The following RTL9 variants were observed in gnomAD, a reference collection of about 807,000 sequenced individuals.
RTL9 encodes retrotransposon Gag-like protein 9.
In RTL9, 19 loss-of-function variants were observed where a neutral mutation model predicts 44.7. That is an observed-to-expected ratio of 0.42 (90% confidence interval 0.30 to 0.62). The LOEUF (loss-of-function observed/expected upper bound fraction) is 0.62. Among genes scored for constraint, RTL9 ranks in the 20% least tolerant of loss-of-function variants. The pLI, the probability that RTL9 is intolerant of heterozygous loss-of-function variation, is 0.16. For missense variants in RTL9, 1,105 were observed against 1,080.6 expected (o/e 1.02, Z -0.32); for synonymous variants, 407 against 398.9 (o/e 1.02, Z -0.24).
chrX:110,441,132 A>T (rs2068877017), intron 1 of RTL9, among the ~76,000 whole-genome samples: 1 of 112,200 alleles, frequency 8.9e-6, no homozygotes, highest in African/African-American at 3.2e-5. Flanking sequence ...CTTTTGCTGT[A>T]TGAATTTGGG....
exon 1 of RTL9, chrX:110,451,477 G>T: frequency 1.7e-6 from 2 of 1,211,712 alleles, no homozygotes; most frequent in South Asian, 3.5e-5. Flanking sequence ...CAGCCAACAA[G>T]CACCCAAAAC....
chrX:110,454,671 A>AG lies in RTL9; in HGVS notation c.4047+12dup, dbSNP rs762228017. The stretch of plus-strand genomic sequence containing the variant: ...TCAGCAGCAGACTGAGGAGGTAATG[A>AG]GGGGGAAATCCGCTGAAGGTTTTTG... On this transcript the variant is annotated splice_region_variant and intron_variant, in intron 1 of 1. Transcript: ENST00000540313. 3 of 1,168,491 alleles carry AG rather than the reference A, an allele frequency of 2.6e-6. No individual in the cohort carries two copies. The African/African-American group carries it at 5.4e-5, about 21-fold the overall frequency.
At chrX:110,454,548 C>T (rs1603026536) in exon 1 of RTL9, 2 of 1,211,892 alleles carry the variant, frequency 1.7e-6, no homozygotes, top group East Asian at 5.9e-5. Context: ...CGAGTGCCAG[C>T]TGGCTGAAGA....
In RTL9 at chrX:110,438,263, G is replaced by A. The variant is rs1323406225; in HGVS notation, c.-167-6890G>A. ...GCATTTTAACTGATGCCAAAGCCCT[G>A]AGTCAAAAGAATTATATACTTAAAA... On this transcript the variant is annotated intron_variant, in intron 1 of 3. Coordinates refer to the RTL9 transcript ENST00000465301. Among the ~76,000 whole-genome samples, 3 of 111,585 alleles carry A rather than the reference G, an allele frequency of 2.7e-5. No homozygotes were observed. The East Asian group carries it at 8.4e-4, about 31-fold the overall frequency.
chrX:110,411,366 T>C lies in RTL9; in HGVS notation c.-167-33787T>C, dbSNP rs146442627. 3.6e-3 allele frequency among the ~76,000 whole-genome samples: 399 copies of C among 112,011 alleles called. 1 individual carries two copies. The highest frequency in any genetic ancestry group is 7.2e-3 in the South Asian group (19 of 2,642). On this transcript the variant is annotated intron_variant, in intron 1 of 2. Coordinates refer to the RTL9 transcript ENST00000520821. Reference sequence around the variant, plus strand: ...GCCTCACCATTTCTGGGGAAAAGGATGCACCATTTAATACATGGTGCCATT... The same window carrying C: ...GCCTCACCATTTCTGGGGAAAAGGACGCACCATTTAATACATGGTGCCATT...
chrX:110,412,884 A>T (rs1036562765), intron 1 of RTL9, among the ~76,000 whole-genome samples: 6 of 112,437 alleles, frequency 5.3e-5, no homozygotes, highest in African/African-American at 1.9e-4. Context: ...GGGGAGTAGA[A>T]TAGGAGAGGT....
At chrX:110,372,771 A>G (rs1276380349) in intron 1 of RTL9, among the ~76,000 whole-genome samples, 1 of 111,818 alleles carries the variant, frequency 8.9e-6, no homozygotes, top group African/African-American at 3.2e-5. Context: ...CAGATTCCAG[A>G]GACAAGAGAA....
chrX:110,388,184 A>G (rs957935196), intron 1 of RTL9, among the ~76,000 whole-genome samples: 1 of 111,521 alleles, frequency 9.0e-6, no homozygotes, highest in African/African-American at 3.3e-5. Flanking sequence ...TCTCTCTTAA[A>G]TGACATTGTA....
At chrX:110,450,661 G>A (rs1355489502) in exon 1 of RTL9, 2 of 1,208,925 alleles carry the variant, frequency 1.7e-6, no homozygotes, top group Non-Finnish European at 2.2e-6. Context: ...AATACAATGA[G>A]GGAGGAAAAT....
upstream of RTL9, among the ~76,000 whole-genome samples, chrX:110,446,530 G>GT (rs2068909237): frequency 1.8e-5 from 2 of 110,880 alleles, no homozygotes; most frequent in South Asian, 7.7e-4. Context: ...ACTTTTATTA[G>GT]TTTTTTTCTT....
At chrX:110,366,235 T>TG (rs1410299251) in intron 1 of RTL9, among the ~76,000 whole-genome samples, 1 of 111,990 alleles carries the variant, frequency 8.9e-6, no homozygotes, top group East Asian at 2.8e-4. Flanking sequence ...GGATTGATGT[T>TG]GATAGTATTA....
intron 1 of RTL9, among the ~76,000 whole-genome samples, chrX:110,412,879 G>A (rs1431906365): frequency 8.9e-6 from 1 of 112,314 alleles, no homozygotes; most frequent in Non-Finnish European, 1.9e-5. Context: ...ACACTGGGGA[G>A]TAGAATAGGA....
intron 1 of RTL9, among the ~76,000 whole-genome samples, chrX:110,375,004 A>G (rs1240456526): frequency 9.0e-6 from 1 of 111,593 alleles, no homozygotes; most frequent in Non-Finnish European, 1.9e-5. Context: ...AGGAAAGAGC[A>G]AGAAGGCTGG....
At chrX:110,371,515 C>T (rs1223427971) in intron 1 of RTL9, among the ~76,000 whole-genome samples, 6 of 111,173 alleles carry the variant, frequency 5.4e-5, no homozygotes, top group African/African-American at 2.0e-4. Flanking sequence ...ACCCATTGAC[C>T]ATCCCCAACT....
At chrX:110,453,528 G>C (rs1208638882) in exon 1 of RTL9, 1 of 1,212,098 alleles carries the variant, frequency 8.3e-7, no homozygotes, top group African/African-American at 1.7e-5. Flanking sequence ...GTCAGCCATG[G>C]CTTCTGGAGA....
chrX:110,384,849 A>C (rs555511019), intron 1 of RTL9, among the ~76,000 whole-genome samples: 2 of 110,689 alleles, frequency 1.8e-5, no homozygotes, highest in East Asian at 5.6e-4. Context: ...AAGAGGTGCA[A>C]AACTCCTGGG....
upstream of RTL9, among the ~76,000 whole-genome samples, chrX:110,415,355 G>A (rs974954848): frequency 8.9e-6 from 1 of 112,574 alleles, no homozygotes; most frequent in East Asian, 2.8e-4. Context: ...TCTGCACATG[G>A]ATAAAGACTG....
At chrX:110,382,135 T>C (rs754842494) in intron 1 of RTL9, among the ~76,000 whole-genome samples, 1 of 112,315 alleles carries the variant, frequency 8.9e-6, no homozygotes, top group East Asian at 2.8e-4. Flanking sequence ...AGGCCTATGC[T>C]TTGGTCAGAA....
intron 1 of RTL9, among the ~76,000 whole-genome samples, chrX:110,391,639 C>G (rs1164766704): frequency 8.9e-6 from 1 of 112,077 alleles, no homozygotes; most frequent in African/African-American, 3.2e-5. Flanking sequence ...ACCACTTCCA[C>G]TTTAAACTTC....
Sources: allele counts gnomAD v4.1 joint callset (sites outside exome capture counted in the v4.1 genomes callset), GRCh38; gene constraint gnomAD v4.1.1; transcripts MANE v1.5; gene names NCBI Gene and HGNC (gene_info 2026-07-23, HGNC 2026-07-21).